DPYD: variants seen among roughly 807,000 people sequenced by gnomAD.
The protein encoded by DPYD is dihydropyrimidine dehydrogenase [NADP(+)].
In DPYD, 109 loss-of-function variants were observed where a neutral mutation model predicts 116.2. The ratio of observed to expected loss-of-function variants is 0.94; its 90% CI spans 0.80 to 1.10. The LOEUF is 1.10. Among genes scored for constraint, DPYD ranks in the 50% least tolerant of loss-of-function variants. The pLI, the probability that DPYD is intolerant of heterozygous loss-of-function variation, is 0.00. For synonymous variants in DPYD, 440 were observed against 432.0 expected (o/e 1.02, Z -0.23); for missense variants, 1,302 against 1,254.5 (o/e 1.04, Z -0.57).
At chr1:97,541,878 T>A (rs1650474681) in intron 12 of DPYD, among the ~76,000 whole-genome samples, 1 of 152,178 alleles carries the variant, frequency 6.6e-6, no homozygotes, top group South Asian at 2.1e-4. Flanking sequence ...TTCTTATTCA[T>A]TTGGTAGAAG....
chr1:97,409,226 T>C (rs754077868), intron 14 of DPYD, among the ~76,000 whole-genome samples: 4 of 152,132 alleles, frequency 2.6e-5, no homozygotes, highest in Non-Finnish European at 5.9e-5. Flanking sequence ...TCCCCAAATA[T>C]GATTTTATGT....
chr1:97,297,737 C>T (rs1441441244), intron 18 of DPYD, among the ~76,000 whole-genome samples: 1 of 152,158 alleles, frequency 6.6e-6, no homozygotes, highest in Non-Finnish European at 1.5e-5. Context: ...GGTAAATTTG[C>T]ATGTAAGCAC....
chr1:97,195,344 A>G (rs1386038170), intron 19 of DPYD, among the ~76,000 whole-genome samples: 1 of 151,786 alleles, frequency 6.6e-6, no homozygotes, highest in Non-Finnish European at 1.5e-5. Flanking sequence ...ATGCCTGAAA[A>G]CAGAATAATA....
Position 97,261,734 on chromosome 1 carries a change from A to C in DPYD, c.2300-26740T>G, listed in dbSNP as rs1426950545. Among the ~76,000 whole-genome samples, 8 of 152,080 alleles carry C rather than the reference A, an allele frequency of 5.3e-5. No individual in the cohort carries two copies. The East Asian group carries it at 1.6e-3, about 29-fold the overall frequency. On this transcript the variant is annotated intron_variant, in intron 18 of 22. Coordinates refer to ENST00000370192, the MANE Select transcript of DPYD (RefSeq NM_000110.4). ...GGCAGGCATTTGGCATACATTAGCT[A>C]ATTTATTCCTCATAATAGCTCTATG...
At chr1:97,911,804 C>T (rs950776442) in intron 1 of DPYD, among the ~76,000 whole-genome samples, 1 of 152,024 alleles carries the variant, frequency 6.6e-6, no homozygotes, top group Non-Finnish European at 1.5e-5. Flanking sequence ...TACATTTACT[C>T]ATTCTAGATA....
chr1:97,742,504 T>C (rs916934466), intron 3 of DPYD, among the ~76,000 whole-genome samples: 1 of 152,146 alleles, frequency 6.6e-6, no homozygotes, highest in African/African-American at 2.4e-5. Context: ...TAAATGCCAT[T>C]GTTAGATTCA....
chr1:97,497,330 A>T (rs999749318), intron 13 of DPYD, among the ~76,000 whole-genome samples: 1 of 151,912 alleles, frequency 6.6e-6, no homozygotes, highest in African/African-American at 2.4e-5. Flanking sequence ...CTTTCTTCCA[A>T]CGGCAAAGAA....
At chr1:97,874,877 T>C (rs1038620441) in intron 2 of DPYD, among the ~76,000 whole-genome samples, 6 of 151,944 alleles carry the variant, frequency 3.9e-5, no homozygotes, top group African/African-American at 1.4e-4. Flanking sequence ...TATTTTTATA[T>C]ACTAACAACA....
intron 2 of DPYD, among the ~76,000 whole-genome samples, chr1:97,883,037 C>G (rs1672306104): frequency 6.6e-6 from 1 of 152,016 alleles, no homozygotes. Flanking sequence ...TATGAATTTT[C>G]AGATTTGGGT....
intron 16 of DPYD, among the ~76,000 whole-genome samples, chr1:97,339,844 A>G (rs1186381506): frequency 6.6e-6 from 1 of 152,216 alleles, no homozygotes; most frequent in Non-Finnish European, 1.5e-5. Context: ...CCCGTAACAA[A>G]GAGCTTTCAG....
At chr1:97,819,171 T>C (rs1307039529) in intron 3 of DPYD, among the ~76,000 whole-genome samples, 1 of 151,946 alleles carries the variant, frequency 6.6e-6, no homozygotes. Flanking sequence ...TTTTCTGTAA[T>C]AGAAATGATA....
intron 2 of DPYD, among the ~76,000 whole-genome samples, chr1:97,830,640 G>C (rs1024814115): frequency 6.6e-6 from 1 of 151,876 alleles, no homozygotes. Context: ...AACCTGGGAG[G>C]TGGAGGCTGC....
intron 14 of DPYD, among the ~76,000 whole-genome samples, chr1:97,427,000 T>C (rs902668363): frequency 6.6e-6 from 1 of 152,032 alleles, no homozygotes; most frequent in Non-Finnish European, 1.5e-5. Flanking sequence ...AGATTCAGAG[T>C]TGGTAGAAGA....
chr1:97,141,603 C>T (rs1425367648), intron 20 of DPYD, among the ~76,000 whole-genome samples: 1 of 152,124 alleles, frequency 6.6e-6, no homozygotes, highest in Non-Finnish European at 1.5e-5. Flanking sequence ...CCTTCTCCAC[C>T]CTTCCTGTTT....
intron 14 of DPYD, among the ~76,000 whole-genome samples, chr1:97,448,726 T>A (rs1570750436): frequency 6.6e-6 from 1 of 151,934 alleles, no homozygotes; most frequent in East Asian, 1.9e-4. Context: ...AATTATATAA[T>A]ATGAAAACAG....
chr1:97,770,416 A>G (rs1666079772), intron 3 of DPYD, among the ~76,000 whole-genome samples: 1 of 152,218 alleles, frequency 6.6e-6, no homozygotes, highest in Non-Finnish European at 1.5e-5. Context: ...GCCTTTTAAA[A>G]AAACTTTCCA....
At chr1:97,553,549 G>A (rs997372572) in intron 11 of DPYD, among the ~76,000 whole-genome samples, 3 of 152,056 alleles carry the variant, frequency 2.0e-5, no homozygotes, top group Non-Finnish European at 4.4e-5. Context: ...ACCCAGCTTG[G>A]AAGGAGTGAA....
At chr1:97,657,743 A>G (rs190420294) in intron 8 of DPYD, among the ~76,000 whole-genome samples, 2 of 152,348 alleles carry the variant, frequency 1.3e-5, no homozygotes, top group African/African-American at 4.8e-5. Context: ...ACGGTATCAG[A>G]AAACTGATAA....
At chr1:97,566,051 C>A (rs1206771123) in intron 11 of DPYD, among the ~76,000 whole-genome samples, 3 of 152,068 alleles carry the variant, frequency 2.0e-5, no homozygotes, top group Admixed American at 2.0e-4. Flanking sequence ...CCTGTGGCTT[C>A]CCTCCCTTCC....
Sources: gnomAD v4.1 joint callset for allele counts (sites outside exome capture counted in the v4.1 genomes callset) on GRCh38, gnomAD v4.1.1 for gene constraint, MANE v1.5 for transcripts, NCBI Gene and HGNC (gene_info 2026-07-23, HGNC 2026-07-21) for gene names.